EXOC4: variants seen among roughly 807,000 people sequenced by gnomAD.
The protein encoded by EXOC4 is SEC8-like 1.
Under a neutral mutation model 107.2 loss-of-function variants are expected in EXOC4, and 71 were observed. The ratio of observed to expected loss-of-function variants is 0.66; its 90% CI spans 0.55 to 0.81. EXOC4 has a LOEUF of 0.81. Ranked by LOEUF, EXOC4 falls within the 30% of genes least tolerant of loss-of-function variation. The probability of loss-of-function intolerance (pLI) is 0.00; values close to 1 mark genes in which losing one functional copy is unlikely to be tolerated. For synonymous variants in EXOC4, 456 were observed against 441.2 expected, an observed-to-expected ratio of 1.03 and a Z score of -0.42; for missense variants, 1,108 against 1,189.6, an observed-to-expected ratio of 0.93 and a Z score of 1.01.
intron 11 of EXOC4, among the ~76,000 whole-genome samples, chr7:133,867,069 A>G (rs1006279770): frequency 3.9e-5 from 6 of 152,212 alleles, no homozygotes; most frequent in African/African-American, 1.4e-4. Flanking sequence ...TGGAGCCTGT[A>G]TGGAAACTAG....
intron 14 of EXOC4, among the ~76,000 whole-genome samples, chr7:133,951,696 TA>T (rs1800694587): frequency 6.6e-6 from 1 of 152,200 alleles, no homozygotes; most frequent in African/African-American, 2.4e-5. Flanking sequence ...TTTGAGCTCT[TA>T]AATTTAACAG....
At chr7:133,755,324 T>TAA (rs1795891849) in intron 10 of EXOC4, among the ~76,000 whole-genome samples, 1 of 104,414 alleles carries the variant, frequency 9.6e-6, no homozygotes, top group East Asian at 2.6e-4. Context: ...TATATATATA[T>TAA]AATATATATA....
chr7:133,886,292 T>C (rs1221096105), intron 11 of EXOC4, among the ~76,000 whole-genome samples: 2 of 152,216 alleles, frequency 1.3e-5, no homozygotes, highest in African/African-American at 2.4e-5. Context: ...TTCCAAATTA[T>C]GTGGACCGGG....
At chr7:133,620,975 G>A (rs6956399) in intron 9 of EXOC4, among the ~76,000 whole-genome samples, 30,079 of 152,094 alleles carry the variant, frequency 0.2, 3,227 homozygotes, top group African/African-American at 0.24. Context: ...AAAAATATGC[G>A]TGGAGTCACT....
chr7:133,899,050 ATAT>A (rs1450768765), intron 12 of EXOC4, among the ~76,000 whole-genome samples: 2 of 151,834 alleles, frequency 1.3e-5, no homozygotes, highest in South Asian at 2.1e-4. Flanking sequence ...CATTTTAATA[ATAT>A]TATATTTTAA....
intron 10 of EXOC4, among the ~76,000 whole-genome samples, chr7:133,766,471 G>A (rs1391226579): frequency 2.0e-5 from 3 of 151,920 alleles, no homozygotes; most frequent in South Asian, 2.1e-4. Flanking sequence ...AATGGTAGTT[G>A]AAAAATCTTT....
intron 7 of EXOC4, among the ~76,000 whole-genome samples, chr7:133,385,905 G>A (rs1217058322): frequency 2.0e-5 from 3 of 152,122 alleles, no homozygotes; most frequent in Non-Finnish European, 2.9e-5. Flanking sequence ...TTAAAATCAA[G>A]GCTTTGTGTT....
chr7:133,459,464 G>T (rs1390543033), intron 7 of EXOC4, among the ~76,000 whole-genome samples: 1 of 152,208 alleles, frequency 6.6e-6, no homozygotes, highest in Non-Finnish European at 1.5e-5. Flanking sequence ...TTATTGGAGA[G>T]AAATGATCCA....
In EXOC4 at chr7:134,025,323, T is replaced by C. The variant is rs151120305; in HGVS notation, c.2687+17488T>C. 9.4e-3 allele frequency among the ~76,000 whole-genome samples: 1,425 copies of C among 152,256 alleles called. 22 individuals are homozygous for C. The highest frequency in any genetic ancestry group is 0.032 in the African/African-American group (1,336 of 41,534). ...ACTGTCTATCAAGAGTTTTTATTTT[T>C]TAAAGAAAAAGCAAAATTGACTGGA... On this transcript the variant is annotated intron_variant, in intron 17 of 17. Transcript: ENST00000253861.
chr7:133,706,602 T>G (rs1794773957), intron 10 of EXOC4, among the ~76,000 whole-genome samples: 1 of 152,230 alleles, frequency 6.6e-6, no homozygotes, highest in South Asian at 2.1e-4. Flanking sequence ...TTGCACCCAG[T>G]ACATCCAAAA....
chr7:133,597,586 A>AC lies in EXOC4; in HGVS notation c.1418-32459_1418-32458insC, dbSNP rs1237134237. 1.5e-3 allele frequency among the ~76,000 whole-genome samples: 225 copies of AC among 147,712 alleles called. 1 individual carries two copies. Among genetic ancestry groups the AC allele is most frequent in the African/African-American group, 5.3e-3 (211 of 39,816 alleles). On this transcript the variant is annotated intron_variant, in intron 9 of 17. Coordinates refer to ENST00000253861, the MANE Select transcript of EXOC4 (RefSeq NM_021807.4). The stretch of plus-strand genomic sequence containing the variant: ...AAAAAAAAAAAAAAACCCAAAAAAA[A>AC]AACCCCGAATCCTTGGAAAGTTAGG...
chr7:133,707,857 G>T (rs1242751612), intron 10 of EXOC4, among the ~76,000 whole-genome samples: 1 of 152,078 alleles, frequency 6.6e-6, no homozygotes, highest in Non-Finnish European at 1.5e-5. Flanking sequence ...CTCCCAAAAT[G>T]CTGGGATTAT....
At chr7:134,098,255 G>T in the EXOC4 span, among the ~76,000 whole-genome samples, 1 of 152,150 alleles carries the variant, frequency 6.6e-6, no homozygotes. Flanking sequence ...AGGTAATTTA[G>T]ATCTACATAA....
At chr7:133,962,583 C>T (rs780508683) in intron 14 of EXOC4, among the ~76,000 whole-genome samples, 8 of 152,160 alleles carry the variant, frequency 5.3e-5, no homozygotes, top group Admixed American at 1.3e-4. Flanking sequence ...ATTTAAAAGG[C>T]TGTGCTCTTA....
intron 10 of EXOC4, among the ~76,000 whole-genome samples, chr7:133,647,129 A>G (rs1803012702): frequency 1.3e-5 from 2 of 152,236 alleles, no homozygotes; most frequent in African/African-American, 4.8e-5. Flanking sequence ...TTTCGCAAAC[A>G]TTAGTGTCAT....
chr7:133,478,953 A>AGTGTTTCC (rs1448530674), intron 8 of EXOC4: 18 of 152,144 alleles, frequency 1.2e-4, no homozygotes, highest in African/African-American at 4.1e-4. Flanking sequence ...ACGTAACCCA[A>AGTGTTTCC]GTGTTTCCCT....
chr7:133,525,748 T>C (rs543560467), intron 9 of EXOC4, among the ~76,000 whole-genome samples: 2 of 152,290 alleles, frequency 1.3e-5, no homozygotes, highest in East Asian at 3.9e-4. Flanking sequence ...ACCTGTAATA[T>C]AGTATGAAAG....
the EXOC4 span, among the ~76,000 whole-genome samples, chr7:134,080,979 C>T: frequency 6.6e-6 from 1 of 152,076 alleles, no homozygotes; most frequent in Non-Finnish European, 1.5e-5. Flanking sequence ...CATGATTGCT[C>T]CCTCACCTCC....
At chr7:133,917,818 T>G in intron 13 of EXOC4, 80 bp downstream of exon 13, 4 of 1,363,092 alleles carry the variant, frequency 2.9e-6, no homozygotes, top group Non-Finnish European at 4.0e-6. Context: ...TACATGAAAT[T>G]TAGGCAAATT....
Sources: gnomAD v4.1 joint callset for allele counts (sites outside exome capture counted in the v4.1 genomes callset) on GRCh38, gnomAD v4.1.1 for gene constraint, MANE v1.5 for transcripts, NCBI Gene and HGNC (gene_info 2026-07-23, HGNC 2026-07-21) for gene names.